DLGAP4: variants seen among roughly 807,000 people sequenced by gnomAD.
DLGAP4 encodes disks large-associated protein 4.
In DLGAP4, 18 loss-of-function variants were observed where a neutral mutation model predicts 86.9. That is an observed-to-expected ratio of 0.21 (90% CI 0.14 to 0.31). The LOEUF (loss-of-function observed/expected upper bound fraction) is 0.31. Among genes scored for constraint, DLGAP4 ranks in the 10% least tolerant of loss-of-function variants. The probability of loss-of-function intolerance (pLI) is 1.00; values close to 1 mark genes in which losing one functional copy is unlikely to be tolerated. For missense variants in DLGAP4, 1,085 were observed against 1,362.6 expected (o/e 0.80, Z 3.21); for synonymous variants, 548 against 574.3 (o/e 0.95, Z 0.65).
Position 36,431,508 on chromosome 20 carries a change from A to G in DLGAP4, c.-72-138A>G, listed in dbSNP as rs2033129235. ...ACAGAGTACGTGGGCCTCGGTGTGT[A>G]CTCCTGTCCTCAGGCCCACAACATT... On this transcript the variant is annotated intron_variant, in intron 2 of 12. Transcript: ENST00000339266. This position sits in a 1 kb window ranked among gnomAD's most constrained non-coding sequence, Gnocchi z 5.1. 2 of 574,054 alleles carry G rather than the reference A, an allele frequency of 3.5e-6. No individual in the cohort carries two copies. Among genetic ancestry groups the G allele is most frequent in the East Asian group, 5.9e-5 (2 of 34,124 alleles). 35.6% of individuals were successfully genotyped at this position (574,054 alleles called of 1,614,324 possible).
chr20:36,408,134 AG>A (rs1396021909), intron 2 of DLGAP4, among the ~76,000 whole-genome samples: 2 of 151,808 alleles, frequency 1.3e-5, no homozygotes, highest in Non-Finnish European at 2.9e-5. Flanking sequence ...CCAAGCCAGG[AG>A]GCTTGGGCTT....
intron 7 of DLGAP4, among the ~76,000 whole-genome samples, chr20:36,449,199 T>A (rs2033672594): frequency 6.6e-6 from 1 of 152,154 alleles, no homozygotes; most frequent in Non-Finnish European, 1.5e-5. Flanking sequence ...TTCACCTCAC[T>A]GTTTCTTATT....
At chr20:36,313,250 T>C (rs2065068757) in intron 1 of DLGAP4, among the ~76,000 whole-genome samples, 2 of 152,118 alleles carry the variant, frequency 1.3e-5, no homozygotes, top group African/African-American at 4.8e-5. Context: ...AATCTGGGTT[T>C]GCTAGAGACA....
intron 10 of DLGAP4, among the ~76,000 whole-genome samples, chr20:36,503,991 G>T (rs2036256342): frequency 6.6e-6 from 1 of 152,172 alleles, no homozygotes; most frequent in Non-Finnish European, 1.5e-5. Context: ...AATACTGCTA[G>T]AATATTCATG....
chr20:36,377,284 A>C (rs2425226), intron 2 of DLGAP4, among the ~76,000 whole-genome samples: 98,845 of 152,022 alleles, frequency 0.65, 32,297 homozygotes, highest in South Asian at 0.81. Flanking sequence ...AGCTTGGCAG[A>C]GAGTCTGTAG....
intron 6 of DLGAP4, among the ~76,000 whole-genome samples, chr20:36,446,374 A>T (rs1056104112): frequency 6.6e-6 from 1 of 152,240 alleles, no homozygotes; most frequent in African/African-American, 2.4e-5. Context: ...AATTGATTAT[A>T]GACCTCTTTC....
intron 10 of DLGAP4, among the ~76,000 whole-genome samples, chr20:36,523,370 T>A (rs2037498334): frequency 6.6e-6 from 1 of 152,238 alleles, no homozygotes; most frequent in Non-Finnish European, 1.5e-5. Flanking sequence ...ACTTCTCGAT[T>A]AGGATATTTA....
At chr20:36,499,052 G>A (rs1461338388) in intron 8 of DLGAP4, 2 of 591,986 alleles carry the variant, frequency 3.4e-6, no homozygotes, top group Admixed American at 3.1e-5. Flanking sequence ...GCCGTCCAGG[G>A]TTTGCCCTTA....
chr20:36,391,166 C>T (rs1478959492), intron 2 of DLGAP4, among the ~76,000 whole-genome samples: 3 of 152,152 alleles, frequency 2.0e-5, no homozygotes, highest in African/African-American at 4.8e-5. Context: ...AGACTGCCCC[C>T]GACACCCTGG....
intron 10 of DLGAP4, chr20:36,507,942 T>A (rs1340574893): frequency 1.3e-5 from 2 of 152,290 alleles, no homozygotes; most frequent in African/African-American, 2.4e-5. Context: ...ACAGCCCCTG[T>A]GTATGTCCCT....
chr20:36,365,876 G>A (rs61361327), intron 1 of DLGAP4, among the ~76,000 whole-genome samples: 4 of 152,166 alleles, frequency 2.6e-5, no homozygotes, highest in South Asian at 2.1e-4. Flanking sequence ...GGGCTCAGAC[G>A]TGGAAAGCCT....
At chr20:36,480,622 G>A (rs1226185580) in intron 7 of DLGAP4, among the ~76,000 whole-genome samples, 1 of 152,120 alleles carries the variant, frequency 6.6e-6, no homozygotes, top group Non-Finnish European at 1.5e-5. Context: ...GACGTGGGAG[G>A]ATCACTTGAG....
intron 7 of DLGAP4, among the ~76,000 whole-genome samples, chr20:36,484,651 A>G (rs1260908706): frequency 6.6e-6 from 1 of 152,210 alleles, no homozygotes; most frequent in Non-Finnish European, 1.5e-5. Flanking sequence ...CTGAGACACC[A>G]CTAGAAGTTC....
In DLGAP4 at chr20:36,432,223, G is replaced by C. The variant is rs778302745; in HGVS notation, c.506G>C (p.Ser169Thr). The C allele has an allele frequency of 1.2e-6, 2 of 1,614,042 alleles. No homozygotes were observed. The highest frequency in any genetic ancestry group is 2.2e-5 in the South Asian group (2 of 91,086). The change falls in exon 3 of 13, where the codon AGC becomes ACC. Residue 169 changes from serine to threonine, a missense_variant. Physicochemically the swap from Ser to Thr is moderately conservative, Grantham distance 58. Coordinates refer to ENST00000339266, the MANE Select transcript of DLGAP4 (RefSeq NM_001365621.2). This position sits in a 1 kb window ranked among gnomAD's most constrained non-coding sequence, Gnocchi z 6.5. ...GTAGKVGGNG[S>T]KKGGMEDGKG... ...GCGGGCAAGGTCGGTGGCAATGGCA[G>C]CAAGAAGGGTGGCATGGAGGACGGC... is the stretch of plus-strand genomic sequence containing the variant.
intron 2 of DLGAP4, among the ~76,000 whole-genome samples, chr20:36,427,026 A>G (rs895595187): frequency 2.0e-5 from 3 of 152,072 alleles, no homozygotes; most frequent in Non-Finnish European, 2.9e-5. Flanking sequence ...CAAAAAAAAA[A>G]AAAATGTTTT....
intron 2 of DLGAP4, among the ~76,000 whole-genome samples, chr20:36,386,152 A>T (rs972960867): frequency 1.2e-4 from 19 of 152,224 alleles, no homozygotes; most frequent in Admixed American, 7.2e-4. Context: ...TGAACCTTTC[A>T]GCAGCCCATG....
At chr20:36,312,230 C>T (rs1350089060) in intron 1 of DLGAP4, among the ~76,000 whole-genome samples, 3 of 152,152 alleles carry the variant, frequency 2.0e-5, no homozygotes, top group Non-Finnish European at 2.9e-5. Context: ...TCACGGGGCA[C>T]GTGGAGTGAT....
At chr20:36,399,968 G>A (rs889386830) in intron 2 of DLGAP4, among the ~76,000 whole-genome samples, 1 of 152,170 alleles carries the variant, frequency 6.6e-6, no homozygotes, top group Non-Finnish European at 1.5e-5. Context: ...GTAACATTCA[G>A]GCCAAACTTT....
At chr20:36,339,893 A>G (rs2065360259) in intron 1 of DLGAP4, among the ~76,000 whole-genome samples, 1 of 152,230 alleles carries the variant, frequency 6.6e-6, no homozygotes, top group South Asian at 2.1e-4. Context: ...AGAGGAGGGA[A>G]GATCCCAGAG....
Sources: allele counts gnomAD v4.1 joint callset (sites outside exome capture counted in the v4.1 genomes callset), GRCh38; gene constraint gnomAD v4.1.1; non-coding constraint Gnocchi (gnomAD v3.1); transcripts MANE v1.5; gene names NCBI Gene and HGNC (gene_info 2026-07-23, HGNC 2026-07-21).